DCUN1D4: variants seen among roughly 807,000 people sequenced by gnomAD.
DCUN1D4 encodes the protein defective in cullin neddylation 1 domain containing 4, also known as DCN1-like protein 4.
DCUN1D4 carries 22 observed loss-of-function variants against 47.9 expected under a neutral mutation model. That is an observed-to-expected ratio of 0.46 (90% CI 0.33 to 0.66). The LOEUF is 0.66. Ranked by LOEUF, DCUN1D4 falls within the 30% of genes least tolerant of loss-of-function variation. The pLI is 0.02. For missense variants in DCUN1D4, 301 were observed against 340.8 expected, an observed-to-expected ratio of 0.88 and a Z score of 0.92; for synonymous variants, 121 against 112.2, an observed-to-expected ratio of 1.08 and a Z score of -0.50.
chr4:51,861,802 T>C (rs1725088985), intron 1 of DCUN1D4, among the ~76,000 whole-genome samples: 1 of 152,086 alleles, frequency 6.6e-6, no homozygotes, highest in African/African-American at 2.4e-5. Flanking sequence ...GGGCTATGGC[T>C]TGGTAGTGGA....
At position 51,913,794 on chromosome 4, in the gene DCUN1D4, C is replaced by T; in HGVS notation, c.*210C>T. The T allele has an allele frequency of 2.0e-6, 1 of 489,472 alleles. No homozygotes were observed. The allele number at this position is 489,472 out of a possible 1,614,324, so 30.3% of individuals were successfully genotyped here. A position where few individuals can be genotyped will look rare whatever the true frequency, so the allele number is the denominator to read the frequency against. On this transcript the variant is annotated 3_prime_UTR_variant, in exon 11 of 11. Transcript: ENST00000334635. The stretch of plus-strand genomic sequence containing the variant: ...GGCTGCTTTGCAGTTTGTATTTACA[C>T]TACAGATTGGTGAATTTGCCAACGT...
chr4:51,898,554 A>T (rs1345517025), intron 7 of DCUN1D4, among the ~76,000 whole-genome samples: 1 of 152,250 alleles, frequency 6.6e-6, no homozygotes, highest in African/African-American at 2.4e-5. Flanking sequence ...AAAGAGGAAG[A>T]ATTGCCTTTA....
At chr4:51,878,724 C>T (rs938176048) in intron 5 of DCUN1D4, among the ~76,000 whole-genome samples, 9 of 152,218 alleles carry the variant, frequency 5.9e-5, no homozygotes, top group Admixed American at 4.6e-4. Context: ...TGATTTTCTC[C>T]GTTTTTCCAT....
At chr4:51,900,708 T>C (rs895903898) in intron 8 of DCUN1D4, among the ~76,000 whole-genome samples, 1 of 152,170 alleles carries the variant, frequency 6.6e-6, no homozygotes, top group Non-Finnish European at 1.5e-5. Context: ...CAGATGCTTT[T>C]TTTTGCTAGA....
At chr4:51,887,064 A>G in intron 6 of DCUN1D4, 1 of 452,140 alleles carries the variant, frequency 2.2e-6, no homozygotes, top group East Asian at 7.0e-5. Context: ...AGAATTTTTC[A>G]TAGATCGTTT....
At chr4:51,855,860 A>G (rs1261785887) in intron 1 of DCUN1D4, among the ~76,000 whole-genome samples, 2 of 152,194 alleles carry the variant, frequency 1.3e-5, no homozygotes, top group African/African-American at 4.8e-5. Flanking sequence ...AAAAGAGGGC[A>G]TGTGTTTCTA....
chr4:51,885,388 C>G (rs1018997275), intron 5 of DCUN1D4, among the ~76,000 whole-genome samples: 1 of 152,144 alleles, frequency 6.6e-6, no homozygotes. Context: ...AGGAGGAATA[C>G]AGGAAGACTC....
At chr4:51,900,885 G>A (rs979070782) in intron 8 of DCUN1D4, among the ~76,000 whole-genome samples, 1 of 151,942 alleles carries the variant, frequency 6.6e-6, no homozygotes, top group Non-Finnish European at 1.5e-5. Context: ...CTTGACTGGG[G>A]GAGTCACAGT....
At chr4:51,837,393 C>A in the DCUN1D4 span, among the ~76,000 whole-genome samples, 1 of 152,112 alleles carries the variant, frequency 6.6e-6, no homozygotes, top group African/African-American at 2.4e-5. Flanking sequence ...TTAGGCCGGG[C>A]GCGGTGGCTC....
At chr4:51,913,017 T>C (rs913881206) in intron 9 of DCUN1D4, among the ~76,000 whole-genome samples, 5 of 152,220 alleles carry the variant, frequency 3.3e-5, no homozygotes, top group Non-Finnish European at 2.9e-5. Flanking sequence ...TTTTGCAGTT[T>C]AGAATTTTCA....
intron 5 of DCUN1D4, among the ~76,000 whole-genome samples, chr4:51,879,095 C>A (rs190827862): frequency 6.6e-6 from 1 of 152,250 alleles, no homozygotes; most frequent in Non-Finnish European, 1.5e-5. Context: ...TGTAGTTCTT[C>A]TTTGGACTTT....
At chr4:51,894,582 G>A (rs1730946513) in intron 7 of DCUN1D4, among the ~76,000 whole-genome samples, 1 of 152,170 alleles carries the variant, frequency 6.6e-6, no homozygotes, top group Non-Finnish European at 1.5e-5. Context: ...TGCCAGTAAA[G>A]TAACTAAATA....
In DCUN1D4 at chr4:51,913,602, C is replaced by A. The variant is rs191084956; in HGVS notation, c.*18C>A. 3.1e-3 allele frequency: 4,927 copies of A among 1,607,972 alleles called. 12 individuals carry two copies. Among genetic ancestry groups the A allele is most frequent in the Non-Finnish European group, 3.6e-3 (4,260 of 1,176,004 alleles). ...TGTCCTAGGACTTTATGCATAGCAG[C>A]GAGAGAGTCACTGTTACCACAGTTT... On this transcript the variant is annotated 3_prime_UTR_variant, in exon 11 of 11. Transcript: ENST00000334635.
chr4:51,857,036 C>T (rs776645947), intron 1 of DCUN1D4, among the ~76,000 whole-genome samples: 2 of 152,068 alleles, frequency 1.3e-5, no homozygotes, highest in South Asian at 2.1e-4. Context: ...TTTAAATACT[C>T]GACTCATACC....
At chr4:51,886,680 T>C (rs1394229585) in intron 6 of DCUN1D4, 42 bp downstream of exon 6, 3 of 1,491,390 alleles carry the variant, frequency 2.0e-6, no homozygotes, top group Non-Finnish European at 2.8e-6. Context: ...GTTGGTTGTT[T>C]TTCATACTTA....
At chr4:51,836,431 A>G in the DCUN1D4 span, among the ~76,000 whole-genome samples, 1 of 152,236 alleles carries the variant, frequency 6.6e-6, no homozygotes, top group Non-Finnish European at 1.5e-5. Flanking sequence ...GCGTGCCTGC[A>G]GATGAACATA....
chr4:51,916,083 C>T lies in DCUN1D4; in HGVS notation c.*2499C>T, dbSNP rs1405185957. The T allele has an allele frequency of 6.6e-6, 1 of 152,080 alleles. No individual in the cohort carries two copies. The highest frequency in any genetic ancestry group is 1.5e-5 in the Non-Finnish European group (1 of 67,986). The allele number at this position is 152,080 out of a possible 1,614,324, so 9.4% of individuals were successfully genotyped here. A position where few individuals can be genotyped will look rare whatever the true frequency, so the allele number is the denominator to read the frequency against. On this transcript the variant is annotated 3_prime_UTR_variant, in exon 11 of 11. Transcript: ENST00000334635. ...TGAACAATCATCAAGCACTTATTTA[C>T]TGGCTAATGTTGAATAAATTAGGGT...
intron 1 of DCUN1D4, among the ~76,000 whole-genome samples, chr4:51,859,638 C>CAAAAAA (rs35981680): frequency 1.3e-4 from 5 of 39,494 alleles, no homozygotes; most frequent in East Asian, 9.4e-4. Context: ...TTAAAACAAG[C>CAAAAAA]AAAAAAAAAA....
upstream of DCUN1D4, among the ~76,000 whole-genome samples, chr4:51,842,440 G>C (rs564207202): frequency 6.6e-6 from 1 of 152,242 alleles, no homozygotes; most frequent in East Asian, 1.9e-4. Context: ...CAAGTATGCG[G>C]ACTCTGGAAA....
Sources: allele counts gnomAD v4.1 joint callset (sites outside exome capture counted in the v4.1 genomes callset), GRCh38; gene constraint gnomAD v4.1.1; transcripts MANE v1.5; gene names NCBI Gene and HGNC (gene_info 2026-07-23, HGNC 2026-07-21).